Variants in UBR3 observed in about 807,000 individuals in gnomAD.
UBR3 encodes the protein E3 ubiquitin-protein ligase UBR3.
In UBR3, 85 loss-of-function variants were observed where a neutral mutation model predicts 243.2. The ratio of observed to expected loss-of-function variants is 0.35; its 90% CI spans 0.29 to 0.42. UBR3 has a LOEUF of 0.42. Ranked by LOEUF, UBR3 falls within the 10% of genes least tolerant of loss-of-function variation. The probability of loss-of-function intolerance (pLI) is 1.00; values close to 1 mark genes in which losing one functional copy is unlikely to be tolerated. For missense variants in UBR3, 1,686 were observed against 2,300.8 expected (o/e 0.73, Z 5.47); for synonymous variants, 748 against 799.8 (o/e 0.94, Z 1.09).
intron 24 of UBR3, among the ~76,000 whole-genome samples, chr2:169,970,856 G>T (rs1270973607): frequency 6.8e-6 from 1 of 147,726 alleles, no homozygotes; most frequent in Non-Finnish European, 1.5e-5. Flanking sequence ...GGGATGGCTG[G>T]GTCAAATGGT....
At chr2:169,898,725 G>A (rs1217542336) in intron 8 of UBR3, among the ~76,000 whole-genome samples, 8 of 132,594 alleles carry the variant, frequency 6.0e-5, no homozygotes, top group Admixed American at 4.0e-4. Flanking sequence ...TTTTTGAGAC[G>A]GAGTCTCGCT....
chr2:169,829,641 T>A (rs973738232), intron 1 of UBR3, among the ~76,000 whole-genome samples: 1 of 152,086 alleles, frequency 6.6e-6, no homozygotes, highest in Non-Finnish European at 1.5e-5. Context: ...GTCAGGCTAG[T>A]CCCGAACTCC....
intron 35 of UBR3, among the ~76,000 whole-genome samples, chr2:170,071,186 A>G (rs553608061): frequency 7.2e-5 from 11 of 152,208 alleles, no homozygotes; most frequent in Non-Finnish European, 1.5e-4. Flanking sequence ...AATATTAAGC[A>G]TATGCTTACT....
intron 24 of UBR3, among the ~76,000 whole-genome samples, chr2:169,977,641 C>T (rs1438373145): frequency 6.6e-6 from 1 of 152,190 alleles, no homozygotes; most frequent in African/African-American, 2.4e-5. Flanking sequence ...TATCACCCTT[C>T]TGCCTGCTTT....
At chr2:169,968,065 A>C (rs888699294) in intron 24 of UBR3, among the ~76,000 whole-genome samples, 2 of 152,072 alleles carry the variant, frequency 1.3e-5, no homozygotes, top group Non-Finnish European at 2.9e-5. Context: ...TTTTAAAAAA[A>C]TTTAATATTT....
chr2:169,839,469 T>G (rs2082217848), intron 1 of UBR3, among the ~76,000 whole-genome samples: 1 of 152,014 alleles, frequency 6.6e-6, no homozygotes, highest in Non-Finnish European at 1.5e-5. Flanking sequence ...ATCAGTAGGG[T>G]AACTGTAGTT....
At chr2:169,833,151 T>G (rs2081990343) in intron 1 of UBR3, among the ~76,000 whole-genome samples, 1 of 152,186 alleles carries the variant, frequency 6.6e-6, no homozygotes, top group African/African-American at 2.4e-5. Context: ...ATTCTGCATT[T>G]TTGATCCATG....
chr2:170,068,710 G>A (rs1191663529), intron 35 of UBR3, among the ~76,000 whole-genome samples: 1 of 152,010 alleles, frequency 6.6e-6, no homozygotes, highest in Non-Finnish European at 1.5e-5. Context: ...GATGACAGGA[G>A]CTCAGCTGAG....
intron 2 of UBR3, among the ~76,000 whole-genome samples, chr2:169,874,681 A>G (rs181719229): frequency 3.3e-5 from 5 of 149,372 alleles, no homozygotes; most frequent in East Asian, 3.9e-4. Flanking sequence ...TTAATTAAAC[A>G]TCTACTATAT....
At chr2:169,849,495 A>G (rs1309148337) in intron 1 of UBR3, among the ~76,000 whole-genome samples, 1 of 152,174 alleles carries the variant, frequency 6.6e-6, no homozygotes. Context: ...GGGTTTCACC[A>G]TGTTGGCCAG....
At chr2:169,869,651 C>T (rs531777652) in intron 1 of UBR3, among the ~76,000 whole-genome samples, 1 of 152,112 alleles carries the variant, frequency 6.6e-6, no homozygotes, top group Non-Finnish European at 1.5e-5. Context: ...ATGAAAATTT[C>T]CCCTCAAGCT....
At chr2:169,837,618 G>T (rs142109026) in intron 1 of UBR3, among the ~76,000 whole-genome samples, 7 of 152,202 alleles carry the variant, frequency 4.6e-5, no homozygotes, top group South Asian at 2.1e-4. Context: ...AGAGCAGCAG[G>T]GGGGGAGAAG....
intron 24 of UBR3, chr2:169,964,315 T>A (rs2087712850): frequency 1.4e-5 from 6 of 428,100 alleles, no homozygotes; most frequent in South Asian, 5.5e-5. Context: ...TCAGTATGTT[T>A]GCAATTTTAA....
chr2:169,843,934 TG>T (rs2082380247), intron 1 of UBR3, among the ~76,000 whole-genome samples: 1 of 152,170 alleles, frequency 6.6e-6, no homozygotes, highest in African/African-American at 2.4e-5. Context: ...TATTTGTTGT[TG>T]GAAGCTTTTT....
intron 31 of UBR3, among the ~76,000 whole-genome samples, chr2:170,033,957 T>G (rs1260382972): frequency 1.3e-5 from 2 of 151,734 alleles, no homozygotes; most frequent in Non-Finnish European, 2.9e-5. Flanking sequence ...TAAAAGACTA[T>G]CTAAAACTTT....
intron 5 of UBR3, among the ~76,000 whole-genome samples, chr2:169,881,635 G>T (rs1414564185): frequency 3.7e-5 from 5 of 133,922 alleles, no homozygotes; most frequent in African/African-American, 1.1e-4. Flanking sequence ...TTTGAGATAG[G>T]GTCTTGCTCT....
intron 8 of UBR3, among the ~76,000 whole-genome samples, chr2:169,900,577 G>C (rs2084781854): frequency 6.6e-6 from 1 of 152,076 alleles, no homozygotes; most frequent in African/African-American, 2.4e-5. Context: ...GCAAAATGGT[G>C]TTTTAAATTC....
At chr2:169,986,243 C>T (rs893155742) in intron 24 of UBR3, among the ~76,000 whole-genome samples, 2 of 152,036 alleles carry the variant, frequency 1.3e-5, no homozygotes, top group Non-Finnish European at 2.9e-5. Flanking sequence ...CATATTTTCC[C>T]AAGAGCTGTC....
chr2:169,850,775 C>T (rs932508044), intron 1 of UBR3, among the ~76,000 whole-genome samples: 6 of 150,844 alleles, frequency 4.0e-5, no homozygotes, highest in East Asian at 2.0e-4. Context: ...ACCCGGGAGG[C>T]GGAGCTTGCA....
Sources: allele counts gnomAD v4.1 joint callset (sites outside exome capture counted in the v4.1 genomes callset), GRCh38; gene constraint gnomAD v4.1.1; transcripts MANE v1.5; gene names NCBI Gene and HGNC (gene_info 2026-07-23, HGNC 2026-07-21).